Variants in SHROOM2 observed in about 807,000 individuals in gnomAD.
SHROOM2 encodes the protein shroom family member 2.
SHROOM2 carries 33 observed loss-of-function variants against 75.9 expected under a neutral mutation model. The ratio of observed to expected loss-of-function variants is 0.43; its 90% CI spans 0.33 to 0.58. SHROOM2 has a LOEUF of 0.58. SHROOM2 is among the 20% of genes least tolerant of loss of function. The pLI, the probability that SHROOM2 is intolerant of heterozygous loss-of-function variation, is 0.04. For synonymous variants in SHROOM2, 655 were observed against 663.6 expected, an observed-to-expected ratio of 0.99 and a Z score of 0.20; for missense variants, 1,434 against 1,461.2, an observed-to-expected ratio of 0.98 and a Z score of 0.30.
At chrX:9,796,158 A>G (rs2083694169) in intron 1 of SHROOM2, among the ~76,000 whole-genome samples, 1 of 111,515 alleles carries the variant, frequency 9.0e-6, no homozygotes, top group African/African-American at 3.3e-5. Context: ...CTCAATCCTG[A>G]TTCATTAAGA....
intron 1 of SHROOM2, among the ~76,000 whole-genome samples, chrX:9,794,403 C>G (rs2083683598): frequency 9.0e-6 from 1 of 111,375 alleles, no homozygotes; most frequent in Non-Finnish European, 1.9e-5. Context: ...TAGTTTCGCT[C>G]TTGTTGCCCA....
chrX:9,813,688 C>A (rs2083803689), intron 1 of SHROOM2, among the ~76,000 whole-genome samples: 1 of 111,788 alleles, frequency 8.9e-6, no homozygotes, highest in Non-Finnish European at 1.9e-5. Flanking sequence ...TCAAATTAGT[C>A]TTTTGTCCAT....
chrX:9,791,984 T>C (rs780284854), intron 1 of SHROOM2, among the ~76,000 whole-genome samples: 6 of 105 alleles, frequency 0.057, 1 homozygote, highest in Admixed American at 0.2. Context: ...TAGAATAGAA[T>C]AGAATAGAAT....
intron 1 of SHROOM2, among the ~76,000 whole-genome samples, chrX:9,821,773 G>A (rs1044652551): frequency 7.2e-5 from 8 of 111,804 alleles, no homozygotes; most frequent in African/African-American, 2.6e-4. Context: ...GTGGTTACCG[G>A]GGCGGAGTGC....
chrX:9,839,704 C>T (rs1019234269), intron 1 of SHROOM2, among the ~76,000 whole-genome samples: 5 of 111,929 alleles, frequency 4.5e-5, no homozygotes, highest in African/African-American at 1.6e-4. Flanking sequence ...GAGCTCATTG[C>T]TTTGCATTGC....
At chrX:9,883,014 T>TA (rs1264858199) in intron 2 of SHROOM2, among the ~76,000 whole-genome samples, 1 of 112,428 alleles carries the variant, frequency 8.9e-6, no homozygotes, top group Non-Finnish European at 1.9e-5. Context: ...ACAGTGCCTT[T>TA]AGGGGGCGAC....
Position 9,857,455 on chromosome X carries a change from C to T in SHROOM2, c.166-16197C>T, listed in dbSNP as rs768215508. 3.7e-5 allele frequency among the ~76,000 whole-genome samples: 4 copies of T among 109,378 alleles called. No individual in the cohort carries two copies. In the South Asian group the frequency reaches 1.2e-3, roughly 33 times the overall value. The allele number at this position is 109,378 out of a possible 115,157, so 95.0% of individuals were successfully genotyped here. Reference sequence around the variant, plus strand: ...GCTGGAGTGCAGAGTGGTGCAGTCACGGCTCACTACATCCTCAAACTCCTG... The same window carrying T: ...GCTGGAGTGCAGAGTGGTGCAGTCATGGCTCACTACATCCTCAAACTCCTG... On this transcript the variant is annotated intron_variant, in intron 1 of 9. Transcript: ENST00000380913.
intron 1 of SHROOM2, among the ~76,000 whole-genome samples, chrX:9,857,323 C>T (rs774932980): frequency 9.0e-6 from 1 of 111,236 alleles, no homozygotes; most frequent in African/African-American, 3.3e-5. Context: ...CACGTTTGAC[C>T]CTTGGACATG....
chrX:9,801,615 TATA>T (rs756087892), intron 1 of SHROOM2, among the ~76,000 whole-genome samples: 1 of 112,475 alleles, frequency 8.9e-6, no homozygotes, highest in East Asian at 2.8e-4. Flanking sequence ...ATGTTGGAAT[TATA>T]ATATTTTGAC....
At chrX:9,816,869 AG>A (rs1346191198) in intron 1 of SHROOM2, among the ~76,000 whole-genome samples, 1 of 111,901 alleles carries the variant, frequency 8.9e-6, no homozygotes, top group African/African-American at 3.2e-5. Context: ...CCCGTGCTAT[AG>A]GGGGATCCCT....
At chrX:9,860,879 T>C (rs1219370590) in intron 1 of SHROOM2, among the ~76,000 whole-genome samples, 2 of 112,201 alleles carry the variant, frequency 1.8e-5, no homozygotes, top group Non-Finnish European at 3.8e-5. Context: ...TCCTGTTACC[T>C]GTAACCACAT....
rs1010949429 is a variant in SHROOM2, at chrX:9,944,763, C to T, written c.4434C>T (p.Gly1478=). The change falls in exon 9 of 10, where the codon GGC becomes GGT. Residue 1478 remains glycine (G), a synonymous_variant. Transcript: ENST00000380913. ...CCGAGGTGGAGGCCATCGTGAAAGG[C>T]GTCTGCAAGCCCAGCGAGTTTGACA... ...LGAEVEAIVK[G]VCKPSEFDKF... The T allele has an allele frequency of 8.2e-7, 1 of 1,212,271 alleles. No individual in the cohort carries two copies. Among genetic ancestry groups the T allele is most frequent in the Non-Finnish European group, 1.1e-6 (1 of 895,610 alleles).
chrX:9,936,793 T>C (rs890285812), intron 6 of SHROOM2, among the ~76,000 whole-genome samples: 11 of 112,378 alleles, frequency 9.8e-5, no homozygotes, highest in East Asian at 5.6e-4. Context: ...CAGGGCTTGT[T>C]GAAGTTTGCA....
chrX:9,933,846 G>A (rs1480446204), intron 6 of SHROOM2, among the ~76,000 whole-genome samples: 1 of 112,442 alleles, frequency 8.9e-6, no homozygotes, highest in African/African-American at 3.2e-5. Flanking sequence ...GAAGGACTGA[G>A]AAATGGAAGA....
In SHROOM2 at chrX:9,790,797, T is replaced by C. The variant is rs1429735166; in HGVS notation, c.165+4087T>C. On this transcript the variant is annotated intron_variant, in intron 1 of 9. Transcript: ENST00000380913. ...CCCGCCTTGCCAACTGGCTTTCAAG[T>C]CTATCTTTATTACCTTTTCCCAGCC... 1.2e-4 allele frequency among the ~76,000 whole-genome samples: 13 copies of C among 111,385 alleles called. No individual in the cohort carries two copies. In the Admixed American group the frequency reaches 1.3e-3, roughly 11 times the overall value.
chrX:9,898,570 G>T (rs953664176), intron 5 of SHROOM2, among the ~76,000 whole-genome samples: 9 of 112,014 alleles, frequency 8.0e-5, no homozygotes, highest in Non-Finnish European at 1.7e-4. Context: ...TTTTCCGCAC[G>T]GTGAGACTGC....
intron 1 of SHROOM2, chrX:9,818,242 G>A (rs181493655): frequency 8.9e-5 from 18 of 201,286 alleles, no homozygotes; most frequent in Non-Finnish European, 1.5e-4. Context: ...CCCATTAAAT[G>A]GCATCAATAT....
intron 5 of SHROOM2, among the ~76,000 whole-genome samples, chrX:9,899,420 G>T (rs2084353671): frequency 9.0e-6 from 1 of 111,622 alleles, no homozygotes; most frequent in African/African-American, 3.3e-5. Context: ...GGATTTTTCT[G>T]TCGCCTTGAG....
At chrX:9,876,476 C>G (rs1011122594) in intron 2 of SHROOM2, among the ~76,000 whole-genome samples, 1 of 111,999 alleles carries the variant, frequency 8.9e-6, no homozygotes, top group East Asian at 2.8e-4. Flanking sequence ...TTAAATCTCC[C>G]CGCCCTCCTC....
Sources: allele counts gnomAD v4.1 joint callset (sites outside exome capture counted in the v4.1 genomes callset), GRCh38; gene constraint gnomAD v4.1.1; transcripts MANE v1.5; gene names NCBI Gene and HGNC (gene_info 2026-07-23, HGNC 2026-07-21).